TRABD2B: variants seen among roughly 807,000 people sequenced by gnomAD.
The protein encoded by TRABD2B is metalloprotease TIKI2.
A neutral mutation model predicts 40.1 loss-of-function variants in TRABD2B; 14 were observed. The ratio of observed to expected loss-of-function variants is 0.35; its 90% confidence interval spans 0.23 to 0.55. The LOEUF is 0.55. TRABD2B is among the 20% of genes least tolerant of loss of function. The pLI, the probability that TRABD2B is intolerant of heterozygous loss-of-function variation, is 0.90. For synonymous variants in TRABD2B, 263 were observed against 277.0 expected, an observed-to-expected ratio of 0.95 and a Z score of 0.50; for missense variants, 541 against 648.6, an observed-to-expected ratio of 0.83 and a Z score of 1.80.
chr1:47,761,945 C>T lies in TRABD2B; in HGVS notation c.*3957G>A, dbSNP rs557465694. 1.6e-4 allele frequency: 25 copies of T among 152,204 alleles called. No individual in the cohort carries two copies. Among genetic ancestry groups the T allele is most frequent in the African/African-American group, 5.3e-4 (22 of 41,494 alleles). The allele number at this position is 152,204 out of a possible 1,614,324, so 9.4% of individuals were successfully genotyped here. A position where few individuals can be genotyped will look rare whatever the true frequency, so the allele number is the denominator to read the frequency against. On this transcript the variant is annotated 3_prime_UTR_variant, in exon 7 of 7. Transcript: ENST00000606738. Reference sequence around the variant, plus strand: ...ACCACCTTTGTGTCAGATGAGGGTACAAAAACAAATTTACATGACCCCTGC... The same window carrying T: ...ACCACCTTTGTGTCAGATGAGGGTATAAAAACAAATTTACATGACCCCTGC...
In TRABD2B at chr1:47,762,475, G is replaced by A. The variant is rs1569853826; in HGVS notation, c.*3427C>T. On this transcript the variant is annotated 3_prime_UTR_variant, in exon 7 of 7. Coordinates refer to ENST00000606738, the MANE Select transcript of TRABD2B (RefSeq NM_001194986.2). ...GTAGAAGGACTTTCCCTCCTCTTTGGGATCCACTGTGACAATGGCCCTGGG... is the reference window on the plus strand; with the variant it reads ...GTAGAAGGACTTTCCCTCCTCTTTGAGATCCACTGTGACAATGGCCCTGGG... 6.6e-6 allele frequency: 1 copy of A among 152,268 alleles called. No homozygotes were observed. The allele number at this position is 152,268 out of a possible 1,614,324, so 9.4% of individuals were successfully genotyped here.
At chr1:47,839,784 A>G (rs1645370761) in intron 2 of TRABD2B, among the ~76,000 whole-genome samples, 1 of 151,968 alleles carries the variant, frequency 6.6e-6, no homozygotes, top group Non-Finnish European at 1.5e-5. Flanking sequence ...CAACCGCTTA[A>G]CTCCGGTCAC....
At chr1:47,836,584 G>A (rs555201253) in intron 2 of TRABD2B, among the ~76,000 whole-genome samples, 2 of 152,382 alleles carry the variant, frequency 1.3e-5, no homozygotes, top group African/African-American at 2.4e-5. Context: ...AAATGTTGGC[G>A]ATTATTCTTA....
chr1:47,844,291 T>G (rs1313987922), intron 2 of TRABD2B, among the ~76,000 whole-genome samples: 1 of 152,204 alleles, frequency 6.6e-6, no homozygotes, highest in Non-Finnish European at 1.5e-5. Context: ...TGTGTGTCCA[T>G]GCCTGCCCAG....
intron 2 of TRABD2B, among the ~76,000 whole-genome samples, chr1:47,840,480 C>G (rs2124482668): frequency 6.6e-6 from 1 of 152,314 alleles, no homozygotes; most frequent in South Asian, 2.1e-4. Context: ...ACCCTATAGG[C>G]CCAGCCTCCT....
chr1:47,859,963 G>A (rs543227570), intron 2 of TRABD2B, among the ~76,000 whole-genome samples: 85 of 152,304 alleles, frequency 5.6e-4, no homozygotes, highest in Non-Finnish European at 1.1e-3. Context: ...GGGAGGTGAC[G>A]TATCTTGCCC....
intron 2 of TRABD2B, among the ~76,000 whole-genome samples, chr1:47,917,745 G>GA (rs968794601): frequency 7.5e-5 from 11 of 146,156 alleles, no homozygotes; most frequent in East Asian, 2.0e-4. Flanking sequence ...AAAAAGAAAA[G>GA]AAAAAAAAAA....
chr1:47,879,461 T>C (rs564003206), intron 2 of TRABD2B, among the ~76,000 whole-genome samples: 16 of 152,354 alleles, frequency 1.1e-4, no homozygotes, highest in African/African-American at 3.8e-4. Flanking sequence ...CAATAGGCTA[T>C]ATCAGACAGC....
At chr1:47,935,932 A>G (rs1645100820) in intron 2 of TRABD2B, among the ~76,000 whole-genome samples, 3 of 152,262 alleles carry the variant, frequency 2.0e-5, no homozygotes, top group Admixed American at 2.0e-4. Flanking sequence ...TTTGCTGCTC[A>G]TTAGCTGTGC....
At chr1:47,809,231 C>A (rs912167050) in intron 2 of TRABD2B, among the ~76,000 whole-genome samples, 3 of 152,156 alleles carry the variant, frequency 2.0e-5, no homozygotes, top group Non-Finnish European at 4.4e-5. Context: ...GCCAGGTACT[C>A]CCCATTTTAT....
chr1:47,955,625 C>T (rs1275087598), intron 2 of TRABD2B, among the ~76,000 whole-genome samples: 3 of 152,200 alleles, frequency 2.0e-5, no homozygotes, highest in Admixed American at 1.3e-4. Flanking sequence ...CCCCTTGATT[C>T]CTTCCTCTGC....
intron 2 of TRABD2B, among the ~76,000 whole-genome samples, chr1:47,964,822 G>A (rs1015255346): frequency 6.6e-6 from 1 of 151,986 alleles, no homozygotes; most frequent in Non-Finnish European, 1.5e-5. Flanking sequence ...GAAGCCCAGA[G>A]AGAGGAAACA....
intron 2 of TRABD2B, among the ~76,000 whole-genome samples, chr1:47,883,822 C>T (rs577784354): frequency 1.5e-3 from 224 of 152,288 alleles, no homozygotes; most frequent in Non-Finnish European, 2.5e-3. Flanking sequence ...CAGCAAGTTG[C>T]CTGTATTGCT....
intron 2 of TRABD2B, among the ~76,000 whole-genome samples, chr1:47,884,235 G>T (rs1644342231): frequency 6.6e-6 from 1 of 152,148 alleles, no homozygotes; most frequent in Non-Finnish European, 1.5e-5. Context: ...TTTGGCCAAT[G>T]ACATGTGAAT....
intron 2 of TRABD2B, among the ~76,000 whole-genome samples, chr1:47,811,335 G>A (rs988472944): frequency 3.9e-5 from 6 of 151,992 alleles, no homozygotes; most frequent in African/African-American, 9.7e-5. Flanking sequence ...TACAGCTGTC[G>A]CCTGCCCCGT....
chr1:47,896,979 G>C (rs1403330673), intron 2 of TRABD2B, among the ~76,000 whole-genome samples: 1 of 152,206 alleles, frequency 6.6e-6, no homozygotes, highest in Non-Finnish European at 1.5e-5. Context: ...TATTCAGCAT[G>C]CAACAGGCCC....
At chr1:47,951,095 C>T (rs542256198) in intron 2 of TRABD2B, among the ~76,000 whole-genome samples, 1 of 152,330 alleles carries the variant, frequency 6.6e-6, no homozygotes, top group South Asian at 2.1e-4. Flanking sequence ...CATGGTAAGC[C>T]AGGCTGGACT....
In TRABD2B at chr1:47,762,491, T is replaced by C. The variant is rs925141649; in HGVS notation, c.*3411A>G. 5.9e-5 allele frequency: 9 copies of C among 152,208 alleles called. No individual in the cohort carries two copies. Among genetic ancestry groups the C allele is most frequent in the African/African-American group, 1.7e-4 (7 of 41,456 alleles). 9.4% of individuals were successfully genotyped at this position (152,208 alleles called of 1,614,324 possible). A position where few individuals can be genotyped will look rare whatever the true frequency, so the allele number is the denominator to read the frequency against. ...TCCTCTTTGGGATCCACTGTGACAATGGCCCTGGGCTGGAGATTAGGCAAG... is the reference window on the plus strand; with the variant it reads ...TCCTCTTTGGGATCCACTGTGACAACGGCCCTGGGCTGGAGATTAGGCAAG... On this transcript the variant is annotated 3_prime_UTR_variant, in exon 7 of 7. Transcript: ENST00000606738.
intron 2 of TRABD2B, among the ~76,000 whole-genome samples, chr1:47,973,947 T>C (rs942690629): frequency 2.0e-5 from 3 of 151,882 alleles, no homozygotes; most frequent in African/African-American, 7.3e-5. Flanking sequence ...CTACAAAAAA[T>C]ACAAAAATTA....
Sources: gnomAD v4.1 joint callset for allele counts (sites outside exome capture counted in the v4.1 genomes callset) on GRCh38, gnomAD v4.1.1 for gene constraint, MANE v1.5 for transcripts, NCBI Gene and HGNC (gene_info 2026-07-23, HGNC 2026-07-21) for gene names.